The following MAPK14 variants were observed in gnomAD, a reference collection of about 807,000 sequenced individuals.
MAPK14 encodes mitogen-activated protein kinase 14.
Under a neutral mutation model 49.6 loss-of-function variants are expected in MAPK14, and 16 were observed. That is an observed-to-expected ratio of 0.32 (90% CI 0.22 to 0.49). MAPK14 has a LOEUF of 0.49. Ranked by LOEUF, MAPK14 falls within the 20% of genes least tolerant of loss-of-function variation. The pLI is 0.99. For missense variants in MAPK14, 200 were observed against 441.2 expected (o/e 0.45, Z 4.90); for synonymous variants, 142 against 158.0 (o/e 0.90, Z 0.76).
intron 3 of MAPK14, among the ~76,000 whole-genome samples, chr6:36,063,482 G>C (rs1291776163): frequency 6.6e-6 from 1 of 152,094 alleles, no homozygotes; most frequent in Non-Finnish European, 1.5e-5. Context: ...CCCAGCTACT[G>C]GGGAGTCTAA....
chr6:36,049,952 G>A (rs1162225973), intron 1 of MAPK14, among the ~76,000 whole-genome samples: 6 of 152,208 alleles, frequency 3.9e-5, no homozygotes, highest in African/African-American at 1.4e-4. Flanking sequence ...TGTTTTCTCA[G>A]TGAAGGCAAG....
chr6:36,078,952 T>C (rs1764636676), intron 8 of MAPK14, among the ~76,000 whole-genome samples: 1 of 152,222 alleles, frequency 6.6e-6, no homozygotes, highest in Non-Finnish European at 1.5e-5. Context: ...TTTTAAAAAC[T>C]CTAGATGCCT....
chr6:36,033,950 C>T (rs560255675), intron 1 of MAPK14, among the ~76,000 whole-genome samples: 1 of 152,310 alleles, frequency 6.6e-6, no homozygotes, highest in African/African-American at 2.4e-5. Flanking sequence ...TATTTATTAA[C>T]TCCATTTTAT....
rs531596300 is a variant in MAPK14, at chr6:36,080,323, T to C, written c.682+3715T>C. Among the ~76,000 whole-genome samples the C allele has an allele frequency of 6.6e-5, 10 of 152,256 alleles. No homozygotes were observed. The South Asian group carries it at 2.1e-3, about 32-fold the overall frequency. Reference sequence around the variant, plus strand: ...ACTACTACTACCTATTTCCAGAATTTTTTCATCACCGCAGATGGAAACACT... The same window carrying C: ...ACTACTACTACCTATTTCCAGAATTCTTTCATCACCGCAGATGGAAACACT... On this transcript the variant is annotated intron_variant, in intron 8 of 11. Coordinates refer to ENST00000229794, the MANE Select transcript of MAPK14 (RefSeq NM_139012.3).
chr6:36,046,433 C>T (rs888619639), intron 1 of MAPK14, among the ~76,000 whole-genome samples: 28 of 152,114 alleles, frequency 1.8e-4, no homozygotes, highest in African/African-American at 5.6e-4. Context: ...GATTGAGAGG[C>T]GTATTTGAGC....
In MAPK14 at chr6:36,107,664, C is replaced by G; in HGVS notation, c.1015+36C>G. 2 of 1,458,006 alleles carry G rather than the reference C, an allele frequency of 1.4e-6. No homozygotes were observed. 90.3% of individuals were successfully genotyped at this position (1,458,006 alleles called of 1,614,324 possible). ...AGGGTAGGATTAACATCTTGAACCA[C>G]TAACCAAAAGCGGTGGGAAAAATAA... On this transcript the variant is annotated intron_variant, in intron 11 of 11. Transcript: ENST00000229794. This position sits in a 1 kb window ranked among gnomAD's most constrained non-coding sequence, Gnocchi z 4.3.
intron 8 of MAPK14, 106 bp from the exon 9 acceptor site, chr6:36,095,881 A>G: frequency 1.4e-6 from 1 of 692,518 alleles, no homozygotes. Context: ...GGGGTGTTTC[A>G]TTTTTGTTCT....
intron 9 of MAPK14, 97 bp downstream of exon 9, chr6:36,096,163 C>A: frequency 1.2e-6 from 1 of 831,666 alleles, no homozygotes; most frequent in Non-Finnish European, 2.0e-6. Flanking sequence ...TGTAAGCACA[C>A]ATGCCCTTTG....
At chr6:36,105,114 G>A (rs1036578560) in intron 10 of MAPK14, among the ~76,000 whole-genome samples, 3 of 152,180 alleles carry the variant, frequency 2.0e-5, no homozygotes, top group Non-Finnish European at 2.9e-5. Flanking sequence ...TAACTGAGCA[G>A]GAACATGCCA....
intron 1 of MAPK14, among the ~76,000 whole-genome samples, chr6:36,034,169 A>G (rs910943418): frequency 1.3e-5 from 2 of 152,326 alleles, no homozygotes; most frequent in African/African-American, 2.4e-5. Flanking sequence ...GTCATTGCCC[A>G]GTTTATGTGA....
intron 9 of MAPK14, among the ~76,000 whole-genome samples, chr6:36,102,210 A>G (rs890855045): frequency 6.6e-6 from 1 of 152,094 alleles, no homozygotes; most frequent in Admixed American, 6.5e-5. Context: ...GGGAATACCA[A>G]CCCCTCTACC....
At chr6:36,065,490 G>T (rs1764012434) in intron 3 of MAPK14, among the ~76,000 whole-genome samples, 1 of 141,228 alleles carries the variant, frequency 7.1e-6, no homozygotes, top group Non-Finnish European at 1.6e-5. Flanking sequence ...CCGAGAGAGG[G>T]AGCTGAGGGC....
rs372946304 is a variant in MAPK14 at position 36,057,608 on chromosome 6, A to G, written c.247-1681A>G. Among the ~76,000 whole-genome samples the G allele has an allele frequency of 1.0e-3, 153 of 152,128 alleles. 1 individual carries two copies. The highest frequency in any genetic ancestry group is 3.5e-3 in the African/African-American group (147 of 41,486). On this transcript the variant is annotated intron_variant, in intron 2 of 11. Transcript: ENST00000229794. ...GTGGTGCATGCCTGTTATCCCAGCTACTCGGGAGGCTGAGGCAGGAGAATC... is the reference window on the plus strand; with the variant it reads ...GTGGTGCATGCCTGTTATCCCAGCTGCTCGGGAGGCTGAGGCAGGAGAATC...
At chr6:36,035,693 A>G (rs1271659233) in intron 1 of MAPK14, among the ~76,000 whole-genome samples, 4 of 152,238 alleles carry the variant, frequency 2.6e-5, no homozygotes, top group African/African-American at 9.6e-5. Flanking sequence ...AAACAAATGA[A>G]TGATTAGAAA....
At chr6:36,074,490 A>T (rs1440784138) in intron 6 of MAPK14, among the ~76,000 whole-genome samples, 1 of 152,254 alleles carries the variant, frequency 6.6e-6, no homozygotes, top group African/African-American at 2.4e-5. Flanking sequence ...AATAGCAAGC[A>T]GCTCTAGAAC....
At chr6:36,093,621 A>G (rs1483719957) in intron 8 of MAPK14, among the ~76,000 whole-genome samples, 1 of 148,434 alleles carries the variant, frequency 6.7e-6, no homozygotes, top group Non-Finnish European at 1.5e-5. Flanking sequence ...CTGGAGGCTG[A>G]GGCAGGAGAA....
chr6:36,090,527 CTTTT>C (rs576947380), intron 8 of MAPK14, among the ~76,000 whole-genome samples: 1 of 136,306 alleles, frequency 7.3e-6, no homozygotes, highest in Non-Finnish European at 1.6e-5. Flanking sequence ...CCCTCTCTCT[CTTTT>C]TTTTTTTTTT....
intron 2 of MAPK14, among the ~76,000 whole-genome samples, chr6:36,053,650 A>C (rs2127418739): frequency 6.6e-6 from 1 of 152,322 alleles, no homozygotes; most frequent in East Asian, 1.9e-4. Context: ...TAGAGATTTC[A>C]AAGTCCTCTG....
intron 4 of MAPK14, 55 bp downstream of exon 4, chr6:36,073,039 C>G (rs1334340996): frequency 9.2e-7 from 1 of 1,090,262 alleles, no homozygotes; most frequent in South Asian, 1.3e-5. Context: ...TTCTCCCCTC[C>G]TTTTAGGGCT....
Sources: allele counts gnomAD v4.1 joint callset (sites outside exome capture counted in the v4.1 genomes callset), GRCh38; gene constraint gnomAD v4.1.1; non-coding constraint Gnocchi (gnomAD v3.1); transcripts MANE v1.5; gene names NCBI Gene and HGNC (gene_info 2026-07-23, HGNC 2026-07-21).